Variants in VGLL4 observed in about 807,000 individuals in gnomAD.
VGLL4 encodes the protein transcription cofactor vestigial-like protein 4.
A neutral mutation model predicts 21.0 loss-of-function variants in VGLL4; 7 were observed. The observed-to-expected ratio is 0.33, with a 90% CI of 0.19 to 0.63. The LOEUF is 0.63. Ranked by LOEUF, VGLL4 falls within the 20% of genes least tolerant of loss-of-function variation. The probability of loss-of-function intolerance (pLI) is 0.78; values close to 1 mark genes in which losing one functional copy is unlikely to be tolerated. For missense variants in VGLL4, 394 were observed against 425.7 expected, an observed-to-expected ratio of 0.93 and a Z score of 0.66; for synonymous variants, 222 against 173.2, an observed-to-expected ratio of 1.28 and a Z score of -2.21.
chr3:11,663,711 C>T (rs2125357756), intron 2 of VGLL4, among the ~76,000 whole-genome samples: 1 of 152,178 alleles, frequency 6.6e-6, no homozygotes, highest in East Asian at 1.9e-4. Context: ...GAGCAAGGCT[C>T]CACCTCAAAA....
chr3:11,632,387 A>G (rs1034634400), intron 1 of VGLL4, among the ~76,000 whole-genome samples: 3 of 152,204 alleles, frequency 2.0e-5, no homozygotes, highest in Admixed American at 1.3e-4. Flanking sequence ...ATTAAGACCC[A>G]AGACGAACCA....
intron 2 of VGLL4, chr3:11,671,331 T>G: frequency 7.0e-7 from 1 of 1,420,558 alleles, no homozygotes; most frequent in Non-Finnish European, 9.8e-7. Flanking sequence ...AAATGCGTAT[T>G]CTCAGTCATC....
chr3:11,581,245 T>C (rs1248822524), intron 2 of VGLL4, among the ~76,000 whole-genome samples: 1 of 152,106 alleles, frequency 6.6e-6, no homozygotes, highest in African/African-American at 2.4e-5. Flanking sequence ...TTTTATATTT[T>C]TAGTAGAGAC....
chr3:11,585,171 C>T (rs541434280), intron 2 of VGLL4, among the ~76,000 whole-genome samples: 61 of 152,298 alleles, frequency 4.0e-4, no homozygotes, highest in African/African-American at 1.4e-3. Flanking sequence ...CACAGTGGCT[C>T]ATGCCTGTTA....
At chr3:11,667,515 T>C (rs1463254354) in intron 2 of VGLL4, among the ~76,000 whole-genome samples, 1 of 152,230 alleles carries the variant, frequency 6.6e-6, no homozygotes, top group African/African-American at 2.4e-5. Flanking sequence ...ATGTTTTATC[T>C]TACCTATTAG....
intron 1 of VGLL4, chr3:11,604,536 G>T (rs7631831): frequency 0.94 from 881,251 of 940,204 alleles, 420,968 homozygotes; most frequent in African/African-American, 0.95. Flanking sequence ...ACACTTGTAT[G>T]TTAGACAAGA....
In VGLL4 at chr3:11,665,140, G is replaced by A. The variant is rs181110122; in HGVS notation, c.64+37831C>T. Among the ~76,000 whole-genome samples, 679 of 107,778 alleles carry A rather than the reference G, an allele frequency of 6.3e-3. 8 individuals carry two copies. The highest frequency in any genetic ancestry group is 0.026 in the African/African-American group (646 of 25,140). The allele number at this position is 107,778 out of a possible 152,430, so 70.7% of individuals were successfully genotyped here. A position where few individuals can be genotyped will look rare whatever the true frequency, so the allele number is the denominator to read the frequency against. On this transcript the variant is annotated intron_variant, in intron 2 of 5. Coordinates refer to the VGLL4 transcript ENST00000273038. ...TTTTTTTTTTTTTTTTTGAGACGGA[G>A]TCTCGCTCTGTCACCCAGGCTGCAG...
chr3:11,556,838 G>C lies in VGLL4; in HGVS notation c.*1718C>G, dbSNP rs2072468045. On this transcript the variant is annotated 3_prime_UTR_variant, in exon 5 of 5. Transcript: ENST00000430365. ...TATAGGGGCCTGAATGCCAAAGCTT[G>C]GAAGCCCAGTACAGTGGGAGTGAAA... 1 of 152,758 alleles carries C rather than the reference G, an allele frequency of 6.5e-6. No homozygotes were observed. The highest frequency in any genetic ancestry group is 1.5e-5 in the Non-Finnish European group (1 of 68,026). 9.5% of individuals were successfully genotyped at this position (152,758 alleles called of 1,614,324 possible). A position where few individuals can be genotyped will look rare whatever the true frequency, so the allele number is the denominator to read the frequency against.
At chr3:11,585,433 A>T (rs947768810) in intron 2 of VGLL4, among the ~76,000 whole-genome samples, 3 of 124,968 alleles carry the variant, frequency 2.4e-5, no homozygotes, top group African/African-American at 6.7e-5. Flanking sequence ...ATTCCATCTT[A>T]AAAAAAAAAA....
intron 2 of VGLL4, among the ~76,000 whole-genome samples, chr3:11,695,844 G>T (rs1364239928): frequency 6.6e-6 from 1 of 152,138 alleles, no homozygotes; most frequent in Non-Finnish European, 1.5e-5. Context: ...AATCACTGAT[G>T]CAGTGATCAG....
intron 2 of VGLL4, among the ~76,000 whole-genome samples, chr3:11,570,471 C>A (rs757489063): frequency 6.6e-6 from 1 of 152,184 alleles, no homozygotes; most frequent in Non-Finnish European, 1.5e-5. Context: ...CTGGCTGGAC[C>A]GTGCACTCCC....
Position 11,568,752 on chromosome 3 carries a change from G to A in VGLL4, c.273-3733C>T, listed in dbSNP as rs1224747461. On this transcript the variant is annotated intron_variant, in intron 2 of 4. Transcript: ENST00000430365. The surrounding 1 kb of genome is among the most constrained non-coding windows in gnomAD (Gnocchi z 5.9). Reference sequence around the variant, plus strand: ...GCAGAAAACCGCACGCATCCTGCCCGGGAGATGGAAGTCGCCTCCGCTCCT... The same window carrying A: ...GCAGAAAACCGCACGCATCCTGCCCAGGAGATGGAAGTCGCCTCCGCTCCT... 32 of 1,515,546 alleles carry A rather than the reference G, an allele frequency of 2.1e-5. 1 individual carries two copies. The highest frequency in any genetic ancestry group is 2.4e-4 in the Middle Eastern group (1 of 4,252). 93.9% of individuals were successfully genotyped at this position (1,515,546 alleles called of 1,614,324 possible).
intron 2 of VGLL4, among the ~76,000 whole-genome samples, chr3:11,702,173 G>A (rs915975110): frequency 3.9e-5 from 6 of 151,966 alleles, no homozygotes; most frequent in African/African-American, 1.5e-4. Flanking sequence ...CTCTCTGCTG[G>A]TCAATTAGTC....
At chr3:11,703,082 T>G (rs757817399) in intron 1 of VGLL4, 1 of 1,552,934 alleles carries the variant, frequency 6.4e-7, no homozygotes, top group East Asian at 2.3e-5. Flanking sequence ...AAAAATAATT[T>G]AAACAGAATT....
rs905907855 is a variant in VGLL4, at chr3:11,556,756, A to G, written c.*1800T>C. The G allele has an allele frequency of 6.5e-6, 1 of 152,676 alleles. No individual in the cohort carries two copies. Among genetic ancestry groups the G allele is most frequent in the Non-Finnish European group, 1.5e-5 (1 of 68,046 alleles). 9.5% of individuals were successfully genotyped at this position (152,676 alleles called of 1,614,324 possible). A position where few individuals can be genotyped will look rare whatever the true frequency, so the allele number is the denominator to read the frequency against. Reference sequence around the variant, plus strand: ...TACATTCTTTACGCACAGCGTAACGATGGTCTCAAAATCACCCATATAGAA... The same window carrying G: ...TACATTCTTTACGCACAGCGTAACGGTGGTCTCAAAATCACCCATATAGAA... On this transcript the variant is annotated 3_prime_UTR_variant, in exon 5 of 5. Coordinates refer to ENST00000430365, the MANE Select transcript of VGLL4 (RefSeq NM_001128219.3).
chr3:11,590,824 C>T (rs1412125913), intron 2 of VGLL4, among the ~76,000 whole-genome samples: 1 of 151,996 alleles, frequency 6.6e-6, no homozygotes, highest in Non-Finnish European at 1.5e-5. Flanking sequence ...GTTCCAGCTG[C>T]CATGTGACAC....
At position 11,707,792 on chromosome 3, in the gene VGLL4, G is replaced by A. The variant is rs866164230; in HGVS notation, c.-13-4745C>T. ...GAGGCTCCCTTGAAGCCAGGAGGTC[G>A]ATGCTGCAGTGAGCTATGATCACAC... On this transcript the variant is annotated intron_variant, in intron 1 of 5. Transcript: ENST00000273038. Among the ~76,000 whole-genome samples, 5 of 152,264 alleles carry A rather than the reference G, an allele frequency of 3.3e-5. No homozygotes were observed. The South Asian group carries it at 6.2e-4, about 19-fold the overall frequency.
intron 1 of VGLL4, among the ~76,000 whole-genome samples, chr3:11,615,459 T>C (rs2075144314): frequency 6.6e-6 from 1 of 152,164 alleles, no homozygotes; most frequent in Admixed American, 6.5e-5. Context: ...GGTGATACTG[T>C]GTGCTCCCAC....
At chr3:11,670,880 A>G (rs2076201417) in intron 2 of VGLL4, among the ~76,000 whole-genome samples, 1 of 152,168 alleles carries the variant, frequency 6.6e-6, no homozygotes, top group Non-Finnish European at 1.5e-5. Flanking sequence ...TCTACTAAAA[A>G]TACAAAATTA....
Sources: gnomAD v4.1 joint callset for allele counts (sites outside exome capture counted in the v4.1 genomes callset) on GRCh38, gnomAD v4.1.1 for gene constraint, Gnocchi (gnomAD v3.1) non-coding constraint, MANE v1.5 for transcripts, NCBI Gene and HGNC (gene_info 2026-07-23, HGNC 2026-07-21) for gene names.